DIAPH3: variants seen among roughly 807,000 people sequenced by gnomAD.
The protein encoded by DIAPH3 is diaphanous related formin 3.
DIAPH3 carries 117 observed loss-of-function variants against 144.3 expected under a neutral mutation model. The observed-to-expected ratio is 0.81, with a 90% CI of 0.70 to 0.95. DIAPH3 has a LOEUF of 0.95. Ranked by LOEUF, DIAPH3 falls within the 40% of genes least tolerant of loss-of-function variation. The probability of loss-of-function intolerance (pLI) is 0.00; values close to 1 mark genes in which losing one functional copy is unlikely to be tolerated. For synonymous variants in DIAPH3, 519 were observed against 488.9 expected, an observed-to-expected ratio of 1.06 and a Z score of -0.81; for missense variants, 1,421 against 1,412.7, an observed-to-expected ratio of 1.01 and a Z score of -0.09.
chr13:59,713,168 C>T (rs1029578418), intron 27 of DIAPH3, among the ~76,000 whole-genome samples: 22 of 151,964 alleles, frequency 1.4e-4, no homozygotes, highest in Non-Finnish European at 4.4e-5. Flanking sequence ...AAGTACAGTG[C>T]TACAGTGCCT....
chr13:60,161,375 A>C (rs1426148905), intron 1 of DIAPH3, among the ~76,000 whole-genome samples: 1 of 152,196 alleles, frequency 6.6e-6, no homozygotes, highest in African/African-American at 2.4e-5. Context: ...TCCATCCAAA[A>C]AACAAGAGTT....
At chr13:59,927,042 C>T (rs76377559) in intron 17 of DIAPH3, among the ~76,000 whole-genome samples, 3,590 of 152,246 alleles carry the variant, frequency 0.024, 114 homozygotes, top group African/African-American at 0.081. Flanking sequence ...GTTATATTCT[C>T]ATGCTGAATT....
chr13:59,834,316 C>A (rs551467912), intron 23 of DIAPH3, among the ~76,000 whole-genome samples: 1 of 151,500 alleles, frequency 6.6e-6, no homozygotes, highest in Non-Finnish European at 1.5e-5. Context: ...TAACATTTAA[C>A]GAAATGGAAC....
intron 17 of DIAPH3, among the ~76,000 whole-genome samples, chr13:59,948,783 A>G (rs2048930627): frequency 6.6e-6 from 1 of 151,814 alleles, no homozygotes; most frequent in Non-Finnish European, 1.5e-5. Flanking sequence ...TTCTAATCAA[A>G]CTTCTTAATG....
chr13:60,138,792 A>AAG (rs2059359019), intron 1 of DIAPH3, among the ~76,000 whole-genome samples: 1 of 124,532 alleles, frequency 8.0e-6, no homozygotes, highest in African/African-American at 2.9e-5. Flanking sequence ...GAAGGGGAAG[A>AAG]GGGAAGAGGG....
At chr13:59,679,328 G>A (rs940141805) in intron 27 of DIAPH3, among the ~76,000 whole-genome samples, 23 of 152,120 alleles carry the variant, frequency 1.5e-4, no homozygotes, top group African/African-American at 5.6e-4. Flanking sequence ...TGTGCTTCCT[G>A]AGACTGTGGA....
intron 1 of DIAPH3, among the ~76,000 whole-genome samples, chr13:60,147,801 G>C (rs987396972): frequency 6.6e-6 from 1 of 152,174 alleles, no homozygotes; most frequent in Non-Finnish European, 1.5e-5. Flanking sequence ...TTTAAGTTGT[G>C]GATGATGCAG....
chr13:59,806,908 GATATTT>G, intron 25 of DIAPH3, among the ~76,000 whole-genome samples: 1 of 151,702 alleles, frequency 6.6e-6, no homozygotes, highest in East Asian at 1.9e-4. Context: ...ATAAAAAACT[GATATTT>G]AACATATTTT....
intron 14 of DIAPH3, among the ~76,000 whole-genome samples, chr13:59,979,535 T>G (rs750246245): frequency 6.6e-6 from 1 of 151,638 alleles, no homozygotes; most frequent in Non-Finnish European, 1.5e-5. Context: ...TATTCACAAC[T>G]GTAATCCTAA....
At chr13:59,710,701 G>A (rs1048109114) in intron 27 of DIAPH3, among the ~76,000 whole-genome samples, 3 of 152,166 alleles carry the variant, frequency 2.0e-5, no homozygotes, top group Non-Finnish European at 4.4e-5. Flanking sequence ...GATAATATAC[G>A]TAAATATCCT....
intron 17 of DIAPH3, among the ~76,000 whole-genome samples, chr13:59,940,862 A>G (rs2048494078): frequency 6.6e-6 from 1 of 152,208 alleles, no homozygotes; most frequent in African/African-American, 2.4e-5. Context: ...GAAACTGCAA[A>G]TGTGATGACA....
intron 25 of DIAPH3, among the ~76,000 whole-genome samples, chr13:59,780,473 C>A (rs1158625020): frequency 6.6e-6 from 1 of 152,102 alleles, no homozygotes; most frequent in African/African-American, 2.4e-5. Flanking sequence ...TCAATTTCTC[C>A]AGCTATAATT....
chr13:60,090,649 T>C (rs1183644510), intron 4 of DIAPH3, among the ~76,000 whole-genome samples: 1 of 152,228 alleles, frequency 6.6e-6, no homozygotes, highest in Admixed American at 6.5e-5. Context: ...AGTAGCTTTT[T>C]CAATAGTCAT....
chr13:59,822,777 A>G (rs753006668), intron 24 of DIAPH3, among the ~76,000 whole-genome samples: 4 of 152,136 alleles, frequency 2.6e-5, no homozygotes, highest in African/African-American at 9.6e-5. Context: ...TAACATAAAA[A>G]ATAGCCTTAA....
chr13:59,674,454 C>T (rs551655116), intron 27 of DIAPH3, among the ~76,000 whole-genome samples: 43 of 152,268 alleles, frequency 2.8e-4, no homozygotes, highest in African/African-American at 1.0e-3. Context: ...TTCTACTTTT[C>T]GATGATTCAT....
intron 21 of DIAPH3, among the ~76,000 whole-genome samples, chr13:59,874,632 G>T (rs2151501): frequency 6.6e-6 from 1 of 152,114 alleles, no homozygotes; most frequent in South Asian, 2.1e-4. Context: ...TACTGCCATA[G>T]AAAACAGAAG....
At chr13:59,737,620 T>C (rs1211882862) in intron 27 of DIAPH3, among the ~76,000 whole-genome samples, 1 of 152,216 alleles carries the variant, frequency 6.6e-6, no homozygotes, top group African/African-American at 2.4e-5. Flanking sequence ...CTTATAAAGC[T>C]TGATGTAAAT....
In DIAPH3 at chr13:59,973,054, C is replaced by A. The variant is rs568003892; in HGVS notation, c.1650+1298G>T. 8.5e-5 allele frequency among the ~76,000 whole-genome samples: 13 copies of A among 152,274 alleles called. No homozygotes were observed. The South Asian group carries it at 2.3e-3, about 27-fold the overall frequency. On this transcript the variant is annotated intron_variant, in intron 15 of 27. Transcript: ENST00000400324. ...GGTGGCCAATATTAAGTATCTAATT[C>A]TAGGTTTTCTTCTCATAGCCATAAA...
At chr13:59,933,180 T>C (rs1317704923) in intron 17 of DIAPH3, among the ~76,000 whole-genome samples, 1 of 152,240 alleles carries the variant, frequency 6.6e-6, no homozygotes, top group Non-Finnish European at 1.5e-5. Flanking sequence ...CTAGCATGCC[T>C]GGAGGAAGGG....
Sources: allele counts gnomAD v4.1 joint callset (sites outside exome capture counted in the v4.1 genomes callset), GRCh38; gene constraint gnomAD v4.1.1; transcripts MANE v1.5; gene names NCBI Gene and HGNC (gene_info 2026-07-23, HGNC 2026-07-21).